MYRF: variants seen among roughly 807,000 people sequenced by gnomAD.
MYRF encodes the protein myelin regulatory factor.
MYRF carries 16 observed loss-of-function variants against 126.3 expected under a neutral mutation model. The ratio of observed to expected loss-of-function variants is 0.13; its 90% confidence interval spans 0.09 to 0.19. The LOEUF (loss-of-function observed/expected upper bound fraction) is 0.19, where lower values mean the gene tolerates loss of function less well. Ranked by LOEUF, MYRF falls within the 10% of genes least tolerant of loss-of-function variation. The pLI is 1.00. For missense variants in MYRF, 1,104 were observed against 1,547.0 expected, an observed-to-expected ratio of 0.71 and a Z score of 4.80; for synonymous variants, 608 against 635.3, an observed-to-expected ratio of 0.96 and a Z score of 0.65.
intron 1 of MYRF, among the ~76,000 whole-genome samples, chr11:61,758,850 C>A (rs1040738773): frequency 6.6e-6 from 1 of 152,240 alleles, no homozygotes; most frequent in Non-Finnish European, 1.5e-5. Flanking sequence ...GCTTGCCTGG[C>A]ACATAACAGG....
rs912455410 is a variant in MYRF at position 61,757,888 on chromosome 11, G to T, written c.46+5098G>T. 2.0e-5 allele frequency among the ~76,000 whole-genome samples: 3 copies of T among 152,158 alleles called. No individual in the cohort carries two copies. The highest frequency in any genetic ancestry group is 2.9e-5 in the Non-Finnish European group (2 of 68,006). ...ACAACAGAGCTGGGACTGGAGCCTGGGTCCCAGCTCTGTGCCAGCCTGGGA... is the reference window on the plus strand; with the variant it reads ...ACAACAGAGCTGGGACTGGAGCCTGTGTCCCAGCTCTGTGCCAGCCTGGGA... On this transcript the variant is annotated intron_variant, in intron 1 of 26. Transcript: ENST00000278836. This position sits in a 1 kb window ranked among gnomAD's most constrained non-coding sequence, Gnocchi z 4.7.
At chr11:61,770,645 A>G (rs1157279465) in intron 5 of MYRF, 120 bp downstream of exon 5, 2 of 974,148 alleles carry the variant, frequency 2.1e-6, no homozygotes, top group African/African-American at 3.3e-5. Context: ...GGGAGGGCAG[A>G]AGGCTCTGCA....
At chr11:61,765,738 C>A in intron 2 of MYRF, 26 bp downstream of exon 2, 1 of 1,593,734 alleles carries the variant, frequency 6.3e-7, no homozygotes, top group Non-Finnish European at 8.6e-7. Context: ...GCCCGGCCTG[C>A]ACCCGCCCAG....
At position 61,760,995 on chromosome 11, in the gene MYRF, G is replaced by A. The variant is rs954651449; in HGVS notation, c.47-4630G>A. On this transcript the variant is annotated intron_variant, in intron 1 of 26. Transcript: ENST00000278836. ...GACACTCAGAGCAACTGGGGTTGTC[G>A]GAAATAGGCCTGGGCCCTGGTGTCC... 2.6e-5 allele frequency among the ~76,000 whole-genome samples: 4 copies of A among 152,204 alleles called. No homozygotes were observed. The East Asian group carries it at 5.8e-4, about 22-fold the overall frequency.
chr11:61,788,387 C>A lies in MYRF; in HGVS notation c.*2244C>A, dbSNP rs1397137137. On this transcript the variant is annotated 3_prime_UTR_variant, in exon 27 of 27. Transcript: ENST00000278836. ...CCTGAGCTTGGTATTTGTCATGTGC[C>A]AACTCTGACTCTGAGGTGGGCAGTG... is the stretch of plus-strand genomic sequence containing the variant. The A allele has an allele frequency of 6.6e-6, 1 of 152,322 alleles. No homozygotes were observed. The highest frequency in any genetic ancestry group is 6.5e-5 in the Admixed American group (1 of 15,280). The allele number at this position is 152,322 out of a possible 1,614,324, so 9.4% of individuals were successfully genotyped here. A position where few individuals can be genotyped will look rare whatever the true frequency, so the allele number is the denominator to read the frequency against.
intron 1 of MYRF, among the ~76,000 whole-genome samples, chr11:61,755,008 CTT>C (rs1469148046): frequency 2.0e-5 from 3 of 152,174 alleles, no homozygotes; most frequent in Non-Finnish European, 4.4e-5. Context: ...CTGCGTCACT[CTT>C]GAGTGCTGTC....
Position 61,778,415 on chromosome 11 carries a change from G to C in MYRF, c.1939G>C (p.Glu647Gln). ...IAQEVKEILP[E>Q]AVKDTGDMVF... ...TCAGGAGGTGAAGGAGATCTTGCCT[G>C]AGGCTGTGAAAGACACCGGAGACAT... The change falls in exon 14 of 27, where the codon GAG becomes CAG. Residue 647 changes from glutamate to glutamine, a missense_variant. Physicochemically the swap from Glu to Gln is conservative, Grantham distance 29. Around this residue, in one of 10 missense-constraint regions of MYRF, gnomAD observed 123 missense variants for 209.1 expected, o/e 0.59. Coordinates refer to ENST00000278836, the MANE Select transcript of MYRF (RefSeq NM_001127392.3). This position sits in a 1 kb window ranked among gnomAD's most constrained non-coding sequence, Gnocchi z 4.6. 1 of 1,614,134 alleles carries C rather than the reference G, an allele frequency of 6.2e-7. No individual in the cohort carries two copies.
chr11:61,781,730 C>T lies in MYRF; in HGVS notation c.2922C>T (p.Asn974=), dbSNP rs2066555766. 1.9e-6 allele frequency: 3 copies of T among 1,612,978 alleles called. No homozygotes were observed. Among genetic ancestry groups the T allele is most frequent in the Non-Finnish European group, 2.5e-6 (3 of 1,179,890 alleles). ...PFPGGQGKAK[N]SPSLGFHGRA... ...CTGGGGGGCAGGGCAAAGCCAAGAA[C>T]AGTCCCAGCCTTGGTTTCCATGGCC... Residue 974 remains asparagine, a synonymous_variant, in exon 22 of 27, where the codon AAC becomes AAT. Transcript: ENST00000278836.
intron 25 of MYRF, chr11:61,784,867 C>A (rs2066654668): frequency 6.4e-6 from 1 of 155,464 alleles, no homozygotes; most frequent in Non-Finnish European, 1.4e-5. Flanking sequence ...GGCCAGGTAA[C>A]CGGAAGTTAT....
At position 61,777,252 on chromosome 11, in the gene MYRF, AAC is replaced by A. The variant is rs749954618; in HGVS notation, c.1591-11_1591-10del. ...TATCCCCCAGGACTGATCCAGCCCC[AAC>A]TCGCGGTAGGCCTCCAACCCAGGCC... On this transcript the variant is annotated splice_polypyrimidine_tract_variant and intron_variant, in intron 11 of 26. Coordinates refer to ENST00000278836, the MANE Select transcript of MYRF (RefSeq NM_001127392.3). The surrounding 1 kb of genome is among the most constrained non-coding windows in gnomAD (Gnocchi z 8.8). 1.2e-6 allele frequency: 2 copies of A among 1,609,696 alleles called. No homozygotes were observed. The highest frequency in any genetic ancestry group is 1.7e-6 in the Non-Finnish European group (2 of 1,179,168).
chr11:61,752,779 G>A lies in MYRF; in HGVS notation c.35G>A (p.Arg12His). 1 of 1,487,856 alleles carries A rather than the reference G, an allele frequency of 6.7e-7. No homozygotes were observed. The highest frequency in any genetic ancestry group is 1.7e-4 in the Middle Eastern group (1 of 5,718). 92.2% of individuals were successfully genotyped at this position (1,487,856 alleles called of 1,614,324 possible). Residue 12 changes from arginine to histidine, a missense_variant, in exon 1 of 27, where the codon CGC becomes CAC. This residue lies in a region of MYRF where 368 missense variants were observed against 403.9 expected (regional missense o/e 0.91). Transcript: ENST00000278836. ...GTGGACGAGACGGAGGCGCTGCAGC[G>A]CTTCTTCGAAGGTGAGAGACCGCGG... ...EVVDETEALQRFFEGHDINGA... is the reference protein window; with the variant it reads ...EVVDETEALQHFFEGHDINGA...
At chr11:61,784,200 G>C in intron 24 of MYRF, 80 bp from the exon 25 acceptor site, 1 of 1,324,464 alleles carries the variant, frequency 7.6e-7, no homozygotes, top group South Asian at 1.3e-5. Flanking sequence ...ATTCAGAGGC[G>C]TGTGGCAGGC....
chr11:61,784,405 T>TAG lies in MYRF; in HGVS notation c.3300+20_3300+21insAG, dbSNP rs1342060184. On this transcript the variant is annotated intron_variant, in intron 25 of 26. Coordinates refer to ENST00000278836, the MANE Select transcript of MYRF (RefSeq NM_001127392.3). ...ACCCAGGTAGGTGGGACTGGGAAGCTGCGGGCCGGCCAGGCCCGAGCTGCT... is the reference window on the plus strand; with the variant it reads ...ACCCAGGTAGGTGGGACTGGGAAGCTAGGCGGGCCGGCCAGGCCCGAGCTGCT... 6.2e-7 allele frequency: 1 copy of TAG among 1,602,996 alleles called. No homozygotes were observed. The highest frequency in any genetic ancestry group is 8.5e-7 in the Non-Finnish European group (1 of 1,172,524).
At chr11:61,762,980 G>A (rs565261869) in intron 1 of MYRF, among the ~76,000 whole-genome samples, 17 of 152,282 alleles carry the variant, frequency 1.1e-4, no homozygotes, top group African/African-American at 2.9e-4. Flanking sequence ...CCCCTATCCC[G>A]AGGGAGGTGG....
Position 61,752,731 on chromosome 11 carries a change from C to T in MYRF, c.-14C>T, listed in dbSNP as rs930126320. On this transcript the variant is annotated 5_prime_UTR_variant, in exon 1 of 27. Transcript: ENST00000278836. ...GCGGGGCCGCGGCTGGAGTGTGCGCCGGGCAGGCGGGACATGGAGGTGGTG... is the reference window on the plus strand; with the variant it reads ...GCGGGGCCGCGGCTGGAGTGTGCGCTGGGCAGGCGGGACATGGAGGTGGTG... 1.3e-5 allele frequency: 19 copies of T among 1,449,742 alleles called. No homozygotes were observed. The East Asian group carries it at 5.2e-4, about 39-fold the overall frequency. 89.8% of individuals were successfully genotyped at this position (1,449,742 alleles called of 1,614,324 possible).
At chr11:61,785,306 G>A (rs2066664558) in intron 25 of MYRF, 1 of 163,826 alleles carries the variant, frequency 6.1e-6, no homozygotes, top group African/African-American at 2.4e-5. Flanking sequence ...TCAGGTAGAT[G>A]GGCAAGCTGC....
chr11:61,786,577 G>A lies in MYRF; in HGVS notation c.*434G>A. On this transcript the variant is annotated 3_prime_UTR_variant, in exon 27 of 27. Coordinates refer to ENST00000278836, the MANE Select transcript of MYRF (RefSeq NM_001127392.3). The surrounding 1 kb of genome is among the most constrained non-coding windows in gnomAD (Gnocchi z 4.5). ...TGCCCACCTTTGAGATCAGCAGGGG[G>A]CTCGGATCCAGCCCTAAGAGACTTG... 1 of 195,066 alleles carries A rather than the reference G, an allele frequency of 5.1e-6. No homozygotes were observed. Among genetic ancestry groups the A allele is most frequent in the Non-Finnish European group, 1.1e-5 (1 of 93,634 alleles). The allele number at this position is 195,066 out of a possible 1,614,324, so 12.1% of individuals were successfully genotyped here. A position where few individuals can be genotyped will look rare whatever the true frequency, so the allele number is the denominator to read the frequency against.
chr11:61,776,663 TG>T lies in MYRF; in HGVS notation c.1500-122del. 1.2e-6 allele frequency: 1 copy of T among 833,908 alleles called. No homozygotes were observed. The highest frequency in any genetic ancestry group is 1.9e-6 in the Non-Finnish European group (1 of 537,850). 51.7% of individuals were successfully genotyped at this position (833,908 alleles called of 1,614,324 possible). A position where few individuals can be genotyped will look rare whatever the true frequency, so the allele number is the denominator to read the frequency against. On this transcript the variant is annotated intron_variant, in intron 10 of 26. Transcript: ENST00000278836. The surrounding 1 kb of genome is among the most constrained non-coding windows in gnomAD (Gnocchi z 4.3). ...TGGGCCCTGGGGAATTTCTGCCCCC[TG>T]GTGGAGGCTCGGGTTCCTCCTCTGT...
At chr11:61,760,037 C>T (rs10459033) in intron 1 of MYRF, among the ~76,000 whole-genome samples, 2 of 151,732 alleles carry the variant, frequency 1.3e-5, no homozygotes, top group East Asian at 2.0e-4. Context: ...GGCACGATCT[C>T]GGCTCACTGC....
Sources: gnomAD v4.1 joint callset for allele counts (sites outside exome capture counted in the v4.1 genomes callset) on GRCh38, gnomAD v4.1.1 for gene constraint, gnomAD v4.1.1 regional missense constraint, Gnocchi (gnomAD v3.1) non-coding constraint, MANE v1.5 for transcripts, NCBI Gene and HGNC (gene_info 2026-07-23, HGNC 2026-07-21) for gene names.